Variants in WRNIP1 observed in about 807,000 individuals in gnomAD.
The protein encoded by WRNIP1 is ATPase WRNIP1.
In WRNIP1, 41 loss-of-function variants were observed where a neutral mutation model predicts 56.1. That is an observed-to-expected ratio of 0.73 (90% confidence interval 0.57 to 0.95). The LOEUF is 0.95. Ranked by LOEUF, WRNIP1 falls within the 40% of genes least tolerant of loss-of-function variation. The probability of loss-of-function intolerance (pLI) is 0.00; values close to 1 mark genes in which losing one functional copy is unlikely to be tolerated. For missense variants in WRNIP1, 1,170 were observed against 939.4 expected, an observed-to-expected ratio of 1.25 and a Z score of -3.21; for synonymous variants, 547 against 398.1, an observed-to-expected ratio of 1.37 and a Z score of -4.45.
intron 4 of WRNIP1, among the ~76,000 whole-genome samples, chr6:2,780,410 C>T (rs1001786845): frequency 2.6e-5 from 4 of 152,252 alleles, no homozygotes; most frequent in South Asian, 2.1e-4. Flanking sequence ...TGAGCACACT[C>T]GCTGCATGAC....
At position 2,786,324 on chromosome 6, in the gene WRNIP1, T is replaced by G. The variant is rs1561920054; in HGVS notation, c.*1042T>G. The G allele has an allele frequency of 6.6e-6, 1 of 152,332 alleles. No individual in the cohort carries two copies. Among genetic ancestry groups the G allele is most frequent in the Non-Finnish European group, 1.5e-5 (1 of 68,130 alleles). The allele number at this position is 152,332 out of a possible 1,614,324, so 9.4% of individuals were successfully genotyped here. A position where few individuals can be genotyped will look rare whatever the true frequency, so the allele number is the denominator to read the frequency against. ...GATGCTCCATCCCGCCTTACTGGTT[T>G]ATTCCGCTATTTCAGTGCAACCCAT... On this transcript the variant is annotated 3_prime_UTR_variant, in exon 7 of 7. Transcript: ENST00000380773.
At position 2,766,676 on chromosome 6, in the gene WRNIP1, A is replaced by G. The variant is rs146722110; in HGVS notation, c.822+232A>G. On this transcript the variant is annotated intron_variant, in intron 1 of 6. Transcript: ENST00000380773. ...TAAGGCAGGCTTGCCGGGTTTGCAAAAGGACGATGTCTGTGAATCCATAGT... is the reference window on the plus strand; with the variant it reads ...TAAGGCAGGCTTGCCGGGTTTGCAAGAGGACGATGTCTGTGAATCCATAGT... 3.9e-5 allele frequency among the ~76,000 whole-genome samples: 6 copies of G among 152,298 alleles called. No individual in the cohort carries two copies. In the East Asian group the frequency reaches 1.2e-3, roughly 29 times the overall value.
At chr6:2,783,956 A>C (rs1475250527) in intron 5 of WRNIP1, among the ~76,000 whole-genome samples, 1 of 152,188 alleles carries the variant, frequency 6.6e-6, no homozygotes, top group Middle Eastern at 3.2e-3. Context: ...CACTATATGA[A>C]GAAAAAGATC....
chr6:2,774,408 C>A, intron 3 of WRNIP1: 1 of 425,476 alleles, frequency 2.4e-6, no homozygotes, highest in Non-Finnish European at 3.1e-6. Flanking sequence ...CATCTGATGG[C>A]CCTTGGCATT....
chr6:2,774,151 A>C (rs1765377952), intron 3 of WRNIP1: 1 of 985,220 alleles, frequency 1.0e-6, no homozygotes, highest in Non-Finnish European at 1.2e-6. Context: ...CTTTTTATTT[A>C]AAAATTTTTT....
intron 3 of WRNIP1, among the ~76,000 whole-genome samples, chr6:2,776,894 C>T (rs946776749): frequency 5.3e-5 from 8 of 152,146 alleles, no homozygotes; most frequent in Admixed American, 2.0e-4. Context: ...AATTTTCTCC[C>T]TTTGTCTATT....
At chr6:2,783,673 G>GGGGGGGCCC in intron 5 of WRNIP1, 112 bp downstream of exon 5, 1 of 404,230 alleles carries the variant, frequency 2.5e-6, no homozygotes. Context: ...GGTGGGCGGG[G>GGGGGGGCCC]GTAGCAGGAA....
At position 2,766,390 on chromosome 6, in the gene WRNIP1, G is replaced by A. The variant is rs567960679; in HGVS notation, c.768G>A (p.Leu256=). The A allele has an allele frequency of 2.4e-5, 38 of 1,607,468 alleles. No homozygotes were observed. In the African/African-American group the frequency reaches 5.1e-4, roughly 21 times the overall value. Residue 256 remains leucine (L), a synonymous_variant, in exon 1 of 7, where the codon CTG becomes CTA. Coordinates refer to ENST00000380773, the MANE Select transcript of WRNIP1 (RefSeq NM_020135.3). ...AGGATACCCTGCTGCGCTCGCTCCT[G>A]GAGACCAACGAAATCCCCTCGCTTA... The part of the protein sequence containing the change: ...VGQDTLLRSL[L]ETNEIPSLIL...
chr6:2,784,065 T>C (rs1020236213), intron 5 of WRNIP1, among the ~76,000 whole-genome samples: 1 of 152,244 alleles, frequency 6.6e-6, no homozygotes, highest in African/African-American at 2.4e-5. Flanking sequence ...ATGTTTGTTA[T>C]ACAGAGACTC....
intron 3 of WRNIP1, among the ~76,000 whole-genome samples, chr6:2,772,677 A>G (rs964222657): frequency 6.6e-6 from 1 of 152,232 alleles, no homozygotes; most frequent in Non-Finnish European, 1.5e-5. Context: ...CAATTCTAAC[A>G]AGAAGTTAAG....
At chr6:2,772,942 C>G in intron 3 of WRNIP1, 2 of 982,566 alleles carry the variant, frequency 2.0e-6, no homozygotes, top group Non-Finnish European at 2.4e-6. Context: ...CTCCAGGAAG[C>G]TATTGGTGTG....
In WRNIP1 at chr6:2,770,204, G is replaced by C. The variant is rs776892821; in HGVS notation, c.1099G>C (p.Ala367Pro). The change falls in exon 3 of 7, where the codon GCT becomes CCT. Residue 367 changes from alanine to proline, a missense_variant. Ala to Pro is a conservative substitution (Grantham distance 27, BLOSUM62 -1). Coordinates refer to ENST00000380773, the MANE Select transcript of WRNIP1 (RefSeq NM_020135.3). ...TENPSFQVNA[A>P]LLSRCRVIVL... is the part of the protein sequence containing the mutation. ...AAACCCTTCCTTCCAGGTCAACGCT[G>C]CTCTTCTGAGCCGCTGTCGAGTGAT... 1 of 1,614,078 alleles carries C rather than the reference G, an allele frequency of 6.2e-7. No individual in the cohort carries two copies. Among genetic ancestry groups the C allele is most frequent in the Non-Finnish European group, 8.5e-7 (1 of 1,180,046 alleles).
rs759448361 is a variant in WRNIP1 at position 2,784,279 on chromosome 6, G to A, written c.1643-45G>A. On this transcript the variant is annotated intron_variant, in intron 5 of 6. Coordinates refer to ENST00000380773, the MANE Select transcript of WRNIP1 (RefSeq NM_020135.3). The stretch of plus-strand genomic sequence containing the variant: ...CGCCTGCACATAGGCCAGGAGGACA[G>A]TGTGTGTCATGACTGAAACTCTCCT... 5.7e-6 allele frequency: 9 copies of A among 1,586,352 alleles called. No homozygotes were observed. The East Asian group carries it at 9.0e-5, about 16-fold the overall frequency.
intron 3 of WRNIP1, chr6:2,772,864 A>C: frequency 1.4e-6 from 1 of 713,256 alleles, no homozygotes; most frequent in Non-Finnish European, 1.7e-6. Context: ...TTGTGCATAT[A>C]AATCAGATTT....
Position 2,783,394 on chromosome 6 carries a change from T to C in WRNIP1, c.1487-12T>C. On this transcript the variant is annotated splice_polypyrimidine_tract_variant and intron_variant, in intron 4 of 6. Coordinates refer to ENST00000380773, the MANE Select transcript of WRNIP1 (RefSeq NM_020135.3). ...GTGAGCTCTGTGTGAGTGGTGCTCT[T>C]TGTGATGTCAGGTGAGGAGCATTAC... The C allele has an allele frequency of 6.3e-7, 1 of 1,577,710 alleles. No individual in the cohort carries two copies. The highest frequency in any genetic ancestry group is 1.1e-5 in the South Asian group (1 of 87,614).
Position 2,765,694 on chromosome 6 carries a change from G to C in WRNIP1, c.72G>C (p.Gln24His). 4 of 1,549,366 alleles carry C rather than the reference G, an allele frequency of 2.6e-6. No homozygotes were observed. Among genetic ancestry groups the C allele is most frequent in the Non-Finnish European group, 3.5e-6 (4 of 1,156,040 alleles). ...ACCAGGTGCAGTGCCCCGTGTGCCA[G>C]CAGATGATGCCCGCCGCGCACATCA... is the stretch of plus-strand genomic sequence containing the variant. ...QLHQVQCPVC[Q>H]QMMPAAHINS... The change falls in exon 1 of 7, where the codon CAG becomes CAC. Residue 24 changes from glutamine (Q) to histidine (H), a missense_variant. Transcript: ENST00000380773.
At position 2,782,675 on chromosome 6, in the gene WRNIP1, C is replaced by T. The variant is rs113487722; in HGVS notation, c.1487-731C>T. On this transcript the variant is annotated intron_variant, in intron 4 of 6. Coordinates refer to ENST00000380773, the MANE Select transcript of WRNIP1 (RefSeq NM_020135.3). ...TGTATGCAGGTGCCACTGCTTAGTT[C>T]CTGAGAACTGTTTAGCTGTCATTTT... 3.8e-3 allele frequency among the ~76,000 whole-genome samples: 582 copies of T among 152,346 alleles called. 2 individuals are homozygous for T. Among genetic ancestry groups the T allele is most frequent in the Non-Finnish European group, 6.1e-3 (417 of 68,026 alleles).
intron 4 of WRNIP1, among the ~76,000 whole-genome samples, chr6:2,781,491 T>C (rs964941800): frequency 6.6e-6 from 1 of 152,206 alleles, no homozygotes; most frequent in Non-Finnish European, 1.5e-5. Context: ...CCTGGAAACC[T>C]GTTAGCTTAT....
At chr6:2,768,958 C>T (rs1270381294) in intron 2 of WRNIP1, 76 bp downstream of exon 2, 15 of 1,416,018 alleles carry the variant, frequency 1.1e-5, no homozygotes, top group Admixed American at 4.5e-5. Context: ...ACTATACAAA[C>T]GCTAGAGACT....
Sources: gnomAD v4.1 joint callset for allele counts (sites outside exome capture counted in the v4.1 genomes callset) on GRCh38, gnomAD v4.1.1 for gene constraint, MANE v1.5 for transcripts, NCBI Gene and HGNC (gene_info 2026-07-23, HGNC 2026-07-21) for gene names.